The following MAP2K1 variants were observed in gnomAD, a reference collection of about 807,000 sequenced individuals.
The protein encoded by MAP2K1 is mitogen-activated protein kinase kinase 1, also known as dual specificity mitogen-activated protein kinase kinase 1.
MAP2K1 carries 16 observed loss-of-function variants against 46.3 expected under a neutral mutation model. The observed-to-expected ratio is 0.35, with a 90% CI of 0.23 to 0.52. The LOEUF (loss-of-function observed/expected upper bound fraction) is 0.52, where lower values mean the gene tolerates loss of function less well. Among genes scored for constraint, MAP2K1 ranks in the 20% least tolerant of loss-of-function variants. The pLI is 0.94. For missense variants in MAP2K1, 263 were observed against 497.1 expected (o/e 0.53, Z 4.48); for synonymous variants, 183 against 185.6 (o/e 0.99, Z 0.11).
At chr15:66,394,618 G>A (rs910202193) in intron 1 of MAP2K1, among the ~76,000 whole-genome samples, 4 of 151,974 alleles carry the variant, frequency 2.6e-5, no homozygotes, top group Non-Finnish European at 5.9e-5. Flanking sequence ...ACCATGCCTG[G>A]CTAATTTTAA....
intron 5 of MAP2K1, among the ~76,000 whole-genome samples, chr15:66,465,829 GA>G (rs1370926025): frequency 6.6e-6 from 1 of 152,174 alleles, no homozygotes; most frequent in Non-Finnish European, 1.5e-5. Context: ...TTATTTCTAT[GA>G]AGTACAGTAA....
chr15:66,420,767 GTATATA>G lies in MAP2K1; in HGVS notation c.81-14256_81-14251del, dbSNP rs773577976. Among the ~76,000 whole-genome samples, 57 of 35,356 alleles carry G rather than the reference GTATATA, an allele frequency of 1.6e-3. 8 individuals carry two copies. Among genetic ancestry groups the G allele is most frequent in the South Asian group, 4.5e-3 (4 of 886 alleles). 23.2% of individuals were successfully genotyped at this position (35,356 alleles called of 152,430 possible). A position where few individuals can be genotyped will look rare whatever the true frequency, so the allele number is the denominator to read the frequency against. ...TGTGTGTGTGTGTGTGTGTATGTGT[GTATATA>G]TATGTGTATATATATGTGTGTATAT... On this transcript the variant is annotated intron_variant, in intron 1 of 10. Transcript: ENST00000307102.
chr15:66,439,624 G>A (rs982258174), intron 3 of MAP2K1, among the ~76,000 whole-genome samples: 2 of 152,150 alleles, frequency 1.3e-5, no homozygotes, highest in Non-Finnish European at 2.9e-5. Flanking sequence ...AAATTAGCCA[G>A]GCGTGGTGGC....
At chr15:66,388,904 C>CTTTT (rs72328500) in intron 1 of MAP2K1, among the ~76,000 whole-genome samples, 12 of 111,952 alleles carry the variant, frequency 1.1e-4, no homozygotes, top group African/African-American at 1.7e-4. Context: ...AACATTTGTT[C>CTTTT]TTTTTTTTTT....
intron 1 of MAP2K1, 113 bp downstream of exon 1, chr15:66,387,540 A>G (rs1420806420): frequency 2.7e-6 from 3 of 1,096,892 alleles, no homozygotes; most frequent in Non-Finnish European, 2.7e-6. Flanking sequence ...TGGGGCTGGC[A>G]GGGGGCGAGA....
chr15:66,400,032 A>G (rs2093377620), intron 1 of MAP2K1, among the ~76,000 whole-genome samples: 1 of 152,206 alleles, frequency 6.6e-6, no homozygotes, highest in Non-Finnish European at 1.5e-5. Flanking sequence ...AATCTACTTT[A>G]TGAATCTTTT....
At chr15:66,474,759 G>C (rs899528634) in intron 5 of MAP2K1, among the ~76,000 whole-genome samples, 10 of 152,066 alleles carry the variant, frequency 6.6e-5, no homozygotes, top group Non-Finnish European at 1.3e-4. Context: ...TCTCATCTGT[G>C]TGCAATGGTT....
chr15:66,389,725 C>T (rs2093352511), intron 1 of MAP2K1, among the ~76,000 whole-genome samples: 1 of 151,980 alleles, frequency 6.6e-6, no homozygotes, highest in Admixed American at 6.6e-5. Context: ...CAGGCACGTG[C>T]AACCGTGCCT....
At chr15:66,392,259 T>TTTTTTG (rs2093358110) in intron 1 of MAP2K1, among the ~76,000 whole-genome samples, 1 of 107,214 alleles carries the variant, frequency 9.3e-6, no homozygotes, top group Non-Finnish European at 2.0e-5. Context: ...TTTTGGGTTT[T>TTTTTTG]TTTTTTTTTT....
At chr15:66,392,772 C>T (rs1454930344) in intron 1 of MAP2K1, among the ~76,000 whole-genome samples, 1 of 151,838 alleles carries the variant, frequency 6.6e-6, no homozygotes, top group African/African-American at 2.4e-5. Context: ...AGGCTGGTCT[C>T]GAACTCCTGA....
At chr15:66,421,394 A>G (rs1166155103) in intron 1 of MAP2K1, among the ~76,000 whole-genome samples, 1 of 151,348 alleles carries the variant, frequency 6.6e-6, no homozygotes, top group Non-Finnish European at 1.5e-5. Flanking sequence ...GGCCTTCCAA[A>G]GTGCCAGGAT....
At chr15:66,401,044 G>A (rs1287505768) in intron 1 of MAP2K1, among the ~76,000 whole-genome samples, 4 of 152,186 alleles carry the variant, frequency 2.6e-5, no homozygotes, top group African/African-American at 9.7e-5. Flanking sequence ...GTCGAGATCA[G>A]TTGATTTTTT....
At chr15:66,470,662 G>A (rs1382227797) in intron 5 of MAP2K1, among the ~76,000 whole-genome samples, 1 of 152,162 alleles carries the variant, frequency 6.6e-6, no homozygotes, top group African/African-American at 2.4e-5. Flanking sequence ...ATTGGTTTGA[G>A]GCACAAAGAT....
intron 3 of MAP2K1, among the ~76,000 whole-genome samples, chr15:66,438,256 T>G (rs1335068319): frequency 6.6e-6 from 1 of 151,834 alleles, no homozygotes; most frequent in African/African-American, 2.4e-5. Context: ...CCCGCTAATT[T>G]TTTTCTATCA....
rs1239001340 is a variant in MAP2K1, at chr15:66,487,333, C to G, written c.960+41C>G. On this transcript the variant is annotated intron_variant, in intron 8 of 10. Transcript: ENST00000307102. ...TTTCCTTCACCTTGGAATTTACTTG[C>G]TCATCTTAAGAAAACACCCAGGTGG... 2.5e-6 allele frequency: 4 copies of G among 1,592,256 alleles called. No homozygotes were observed. In the South Asian group the frequency reaches 4.4e-5, roughly 18 times the overall value.
intron 1 of MAP2K1, among the ~76,000 whole-genome samples, chr15:66,403,001 T>A (rs1468733894): frequency 6.6e-6 from 1 of 152,098 alleles, no homozygotes; most frequent in African/African-American, 2.4e-5. Context: ...CTGCCCAGAT[T>A]TATAGAAGCA....
chr15:66,445,053 C>T (rs894328543), intron 5 of MAP2K1: 1 of 248,234 alleles, frequency 4.0e-6, no homozygotes, highest in Admixed American at 5.2e-5. Flanking sequence ...GACTGGCCAG[C>T]TGCATATGAG....
rs780370635 is a variant in MAP2K1, at chr15:66,490,596, C to T, written c.1163C>T (p.Thr388Ile). ...GGCCTTAACCAGCCCAGCACACCAA[C>T]CCATGCTGCTGGCGTCTAAGTGTTT... The part of the protein sequence containing the change: ...TIGLNQPSTP[T>I]HAAGV The change falls in exon 11 of 11, where the codon ACC (threonine) becomes ATC (isoleucine). Residue 388 changes from threonine (T) to isoleucine (I), a missense_variant. By Grantham distance (89) the Thr-to-Ile change is moderately conservative. Around this residue, in one of 4 missense-constraint regions of MAP2K1, gnomAD observed 118 missense variants for 193.0 expected, o/e 0.61. Transcript: ENST00000307102. 5 of 1,614,054 alleles carry T rather than the reference C, an allele frequency of 3.1e-6. No individual in the cohort carries two copies. The highest frequency in any genetic ancestry group is 1.1e-5 in the South Asian group (1 of 91,080).
intron 5 of MAP2K1, among the ~76,000 whole-genome samples, chr15:66,465,094 G>A (rs561703331): frequency 4.3e-4 from 65 of 151,728 alleles, no homozygotes; most frequent in South Asian, 1.5e-3. Flanking sequence ...GCATGGTGGC[G>A]CATGCCTGTA....
Sources: gnomAD v4.1 joint callset for allele counts (sites outside exome capture counted in the v4.1 genomes callset) on GRCh38, gnomAD v4.1.1 for gene constraint, gnomAD v4.1.1 regional missense constraint, MANE v1.5 for transcripts, NCBI Gene and HGNC (gene_info 2026-07-23, HGNC 2026-07-21) for gene names.